The following TENM3 variants were observed in gnomAD, a reference collection of about 807,000 sequenced individuals.
TENM3 encodes the protein teneurin-3.
TENM3 carries 63 observed loss-of-function variants against 255.1 expected under a neutral mutation model. That is an observed-to-expected ratio of 0.25 (90% CI 0.20 to 0.30). The LOEUF (loss-of-function observed/expected upper bound fraction) is 0.30, where lower values mean the gene tolerates loss of function less well. Ranked by LOEUF, TENM3 falls within the 10% of genes least tolerant of loss-of-function variation. TENM3 has a pLI of 1.00. For missense variants in TENM3, 2,929 were observed against 3,461.1 expected (o/e 0.85, Z 3.86); for synonymous variants, 1,306 against 1,322.3 (o/e 0.99, Z 0.27).
At chr4:182,770,139 A>G (rs1419866233) in intron 22 of TENM3, among the ~76,000 whole-genome samples, 3 of 151,710 alleles carry the variant, frequency 2.0e-5, no homozygotes, top group Non-Finnish European at 2.9e-5. Flanking sequence ...TTTTGAAAGA[A>G]CTCACCCTAC....
intron 1 of TENM3, among the ~76,000 whole-genome samples, chr4:182,184,625 T>C (rs1326323595): frequency 6.6e-6 from 1 of 152,064 alleles, no homozygotes; most frequent in Non-Finnish European, 1.5e-5. Flanking sequence ...GCCAGCCTAC[T>C]GCTATGATTT....
rs531805733 is a variant in TENM3, at chr4:182,444,968, C to T, written c.511+98039C>T. Among the ~76,000 whole-genome samples the T allele has an allele frequency of 6.6e-5, 10 of 152,156 alleles. No individual in the cohort carries two copies. In the South Asian group the frequency reaches 1.2e-3, roughly 19 times the overall value. Reference sequence around the variant, plus strand: ...GATTACAGGGGGATGCCAACACACCCGGCTAATTTTTTGTATTTTTAGTGG... The same window carrying T: ...GATTACAGGGGGATGCCAACACACCTGGCTAATTTTTTGTATTTTTAGTGG... On this transcript the variant is annotated intron_variant, in intron 3 of 27. Transcript: ENST00000511685.
the TENM3 span, among the ~76,000 whole-genome samples, chr4:182,050,184 G>C: frequency 2.0e-5 from 3 of 152,010 alleles, no homozygotes; most frequent in African/African-American, 7.2e-5. Context: ...GTAAAGATGG[G>C]GTTTTGCCGT....
At chr4:181,549,223 T>C in the TENM3 span, among the ~76,000 whole-genome samples, 1 of 152,134 alleles carries the variant, frequency 6.6e-6, no homozygotes, top group South Asian at 2.1e-4. Context: ...GTGCCAATGG[T>C]AAGTCACCTG....
the TENM3 span, among the ~76,000 whole-genome samples, chr4:181,972,812 A>C: frequency 8.5e-5 from 13 of 152,216 alleles, no homozygotes; most frequent in African/African-American, 3.1e-4. Context: ...ACAGAAAATA[A>C]GGAAATGCAG....
At chr4:182,682,235 G>A (rs985260660) in intron 11 of TENM3, among the ~76,000 whole-genome samples, 4 of 152,068 alleles carry the variant, frequency 2.6e-5, no homozygotes, top group African/African-American at 7.2e-5. Flanking sequence ...AGTATTATGC[G>A]GAGACTCATC....
At chr4:181,888,535 T>G in the TENM3 span, among the ~76,000 whole-genome samples, 2 of 69,410 alleles carry the variant, frequency 2.9e-5, no homozygotes, top group Non-Finnish European at 5.6e-5. Context: ...TACATATATG[T>G]GTATATATAT....
At chr4:182,650,585 CTCTCTCCTT>C (rs1432734539) in intron 5 of TENM3, among the ~76,000 whole-genome samples, 1 of 149,562 alleles carries the variant, frequency 6.7e-6, no homozygotes, top group African/African-American at 2.4e-5. Flanking sequence ...TGCTGCCTGC[CTCTCTCCTT>C]TCTCTCCTTC....
chr4:182,678,862 A>G (rs1284653393), intron 7 of TENM3, among the ~76,000 whole-genome samples: 1 of 152,272 alleles, frequency 6.6e-6, no homozygotes, highest in East Asian at 1.9e-4. Flanking sequence ...AGCCAGGCAC[A>G]GAAAGTCAAA....
At chr4:181,544,794 A>C in the TENM3 span, among the ~76,000 whole-genome samples, 1 of 152,198 alleles carries the variant, frequency 6.6e-6, no homozygotes, top group Non-Finnish European at 1.5e-5. Flanking sequence ...AGTCCATGAG[A>C]AAAAATGATT....
At chr4:182,387,538 C>T (rs1768045563) in intron 3 of TENM3, among the ~76,000 whole-genome samples, 1 of 152,102 alleles carries the variant, frequency 6.6e-6, no homozygotes, top group African/African-American at 2.4e-5. Flanking sequence ...GCTTGGGTCC[C>T]CTTCCACACT....
the TENM3 span, among the ~76,000 whole-genome samples, chr4:181,713,872 T>C: frequency 6.6e-6 from 1 of 152,196 alleles, no homozygotes; most frequent in African/African-American, 2.4e-5. Context: ...GTGATCAAGG[T>C]ACCCTTAGCC....
the TENM3 span, among the ~76,000 whole-genome samples, chr4:181,757,498 C>G: frequency 6.6e-6 from 1 of 152,140 alleles, no homozygotes; most frequent in Non-Finnish European, 1.5e-5. Context: ...ATCAGACTCT[C>G]CAAATGTAAT....
At chr4:182,381,749 C>T (rs1476556926) in intron 3 of TENM3, among the ~76,000 whole-genome samples, 1 of 152,092 alleles carries the variant, frequency 6.6e-6, no homozygotes, top group Non-Finnish European at 1.5e-5. Flanking sequence ...TTAGTAGAAA[C>T]AGTGTTTCTA....
chr4:182,209,856 TCA>T (rs1050817776), intron 1 of TENM3, among the ~76,000 whole-genome samples: 2 of 151,990 alleles, frequency 1.3e-5, no homozygotes, highest in African/African-American at 4.8e-5. Context: ...GCTCTCTCTC[TCA>T]GTTGATGAGA....
chr4:182,573,042 G>A (rs531116008), intron 3 of TENM3, among the ~76,000 whole-genome samples: 9 of 152,212 alleles, frequency 5.9e-5, no homozygotes, highest in African/African-American at 2.2e-4. Flanking sequence ...CCATCAATAC[G>A]GATTGTGCCA....
In TENM3 at chr4:182,296,297, T is replaced by C. The variant is rs1055269003; in HGVS notation, c.-75-27649T>C. On this transcript the variant is annotated intron_variant, in intron 1 of 27. Coordinates refer to ENST00000511685, the MANE Select transcript of TENM3 (RefSeq NM_001080477.4). ...TATACTATTTTATTTTACTCCAATA[T>C]ACTTGTTTCACTATTAAAGACATGA... Among the ~76,000 whole-genome samples the C allele has an allele frequency of 2.6e-5, 4 of 152,316 alleles. No individual in the cohort carries two copies. The South Asian group carries it at 6.2e-4, about 24-fold the overall frequency.
chr4:181,919,675 G>A, the TENM3 span, among the ~76,000 whole-genome samples: 8 of 151,910 alleles, frequency 5.3e-5, no homozygotes, highest in South Asian at 4.2e-4. Flanking sequence ...ACAATCGATC[G>A]GCATGAGGGA....
At chr4:181,548,718 T>C in the TENM3 span, among the ~76,000 whole-genome samples, 2 of 152,028 alleles carry the variant, frequency 1.3e-5, no homozygotes, top group African/African-American at 4.8e-5. Flanking sequence ...TAAACAGACA[T>C]ACCACGTGAC....
Sources: allele counts gnomAD v4.1 joint callset (sites outside exome capture counted in the v4.1 genomes callset), GRCh38; gene constraint gnomAD v4.1.1; transcripts MANE v1.5; gene names NCBI Gene and HGNC (gene_info 2026-07-23, HGNC 2026-07-21).